Variants in KCNAB1 observed in about 807,000 individuals in gnomAD.
KCNAB1 encodes potassium voltage-gated channel subfamily A regulatory beta subunit 1.
KCNAB1 carries 35 observed loss-of-function variants against 64.6 expected under a neutral mutation model. The observed-to-expected ratio is 0.54, with a 90% CI of 0.41 to 0.72. The LOEUF (loss-of-function observed/expected upper bound fraction) is 0.72. KCNAB1 is among the 30% of genes least tolerant of loss of function. KCNAB1 has a pLI of 0.00. For synonymous variants in KCNAB1, 177 were observed against 183.8 expected (o/e 0.96, Z 0.30); for missense variants, 401 against 512.9 (o/e 0.78, Z 2.11).
intron 1 of KCNAB1, among the ~76,000 whole-genome samples, chr3:156,282,386 G>C (rs1398743467): frequency 7.9e-5 from 11 of 139,036 alleles, no homozygotes; most frequent in Non-Finnish European, 1.1e-4. Flanking sequence ...TTACTTCCAA[G>C]TATGTGGTCA....
intron 1 of KCNAB1, among the ~76,000 whole-genome samples, chr3:156,169,873 AC>A (rs1446944816): frequency 1.3e-5 from 2 of 152,224 alleles, no homozygotes; most frequent in Non-Finnish European, 2.9e-5. Flanking sequence ...TAAATAAATT[AC>A]CCAATTTCAG....
At chr3:156,474,428 T>C (rs1036009815) in intron 7 of KCNAB1, among the ~76,000 whole-genome samples, 3 of 152,208 alleles carry the variant, frequency 2.0e-5, no homozygotes, top group African/African-American at 7.2e-5. Flanking sequence ...CTGCTTTTTA[T>C]TCTAAATTTT....
At chr3:156,179,416 ACC>A (rs1284524252) in intron 1 of KCNAB1, among the ~76,000 whole-genome samples, 2,447 of 75,900 alleles carry the variant, frequency 0.032, 51 homozygotes, top group African/African-American at 0.054. Context: ...CTGGTTTGGA[ACC>A]CCCCCCCCCA....
intron 1 of KCNAB1, among the ~76,000 whole-genome samples, chr3:156,261,266 T>A (rs1300119657): frequency 6.6e-6 from 1 of 151,986 alleles, no homozygotes; most frequent in Non-Finnish European, 1.5e-5. Context: ...TCAATTAACC[T>A]TTTTTTCTTT....
At chr3:156,214,450 G>A (rs1273690309) in intron 1 of KCNAB1, among the ~76,000 whole-genome samples, 8 of 152,032 alleles carry the variant, frequency 5.3e-5, no homozygotes, top group African/African-American at 1.7e-4. Context: ...CCACACGTTC[G>A]GTATTAGAAT....
intron 1 of KCNAB1, chr3:156,291,806 G>T: frequency 6.4e-7 from 1 of 1,568,750 alleles, no homozygotes; most frequent in Non-Finnish European, 8.6e-7. Flanking sequence ...GGGGAGCAAG[G>T]AGGGCTTAAA....
intron 1 of KCNAB1, among the ~76,000 whole-genome samples, chr3:156,139,932 C>T (rs954757210): frequency 6.6e-6 from 1 of 152,086 alleles, no homozygotes; most frequent in Non-Finnish European, 1.5e-5. Context: ...CATATTATGT[C>T]TTTGTTTCCC....
chr3:156,296,762 C>G (rs1330809714), intron 1 of KCNAB1, among the ~76,000 whole-genome samples: 1 of 152,104 alleles, frequency 6.6e-6, no homozygotes, highest in Admixed American at 6.5e-5. Flanking sequence ...CGTGAGCCAC[C>G]GTGCCCGGCC....
chr3:156,168,521 CAG>C (rs1482449078), intron 1 of KCNAB1, among the ~76,000 whole-genome samples: 66 of 152,200 alleles, frequency 4.3e-4, no homozygotes, highest in African/African-American at 1.4e-3. Context: ...ATATTTTTCA[CAG>C]AGTCTTGCAC....
At chr3:156,217,143 C>T (rs1030920633) in intron 1 of KCNAB1, 8 of 152,152 alleles carry the variant, frequency 5.3e-5, no homozygotes, top group South Asian at 2.1e-4. Flanking sequence ...GATTCCTACA[C>T]GTCAAACAGA....
At chr3:156,349,885 A>G (rs1218526769) in intron 1 of KCNAB1, among the ~76,000 whole-genome samples, 3 of 151,642 alleles carry the variant, frequency 2.0e-5, no homozygotes, top group Non-Finnish European at 4.4e-5. Flanking sequence ...TTTAATTTTC[A>G]TTTTCTACTG....
At chr3:156,237,469 A>G (rs1308804640) in intron 1 of KCNAB1, among the ~76,000 whole-genome samples, 1 of 152,142 alleles carries the variant, frequency 6.6e-6, no homozygotes, top group African/African-American at 2.4e-5. Context: ...GTTTTGGGAA[A>G]TGACTGTTGA....
chr3:156,518,614 T>C (rs532368047), intron 11 of KCNAB1, among the ~76,000 whole-genome samples: 2 of 152,374 alleles, frequency 1.3e-5, no homozygotes, highest in East Asian at 3.9e-4. Context: ...GCTATTGTTA[T>C]ACTGATAAGA....
intron 4 of KCNAB1, among the ~76,000 whole-genome samples, chr3:156,457,967 C>T (rs1011356023): frequency 2.6e-5 from 4 of 152,208 alleles, no homozygotes; most frequent in African/African-American, 9.7e-5. Flanking sequence ...CCCTGAGGAA[C>T]TGGGACATCC....
At chr3:156,398,135 CAG>C (rs1713601397) in intron 1 of KCNAB1, among the ~76,000 whole-genome samples, 1 of 152,044 alleles carries the variant, frequency 6.6e-6, no homozygotes, top group African/African-American at 2.4e-5. Flanking sequence ...CACACAGAAA[CAG>C]AGAACCAAAC....
intron 1 of KCNAB1, among the ~76,000 whole-genome samples, chr3:156,358,283 AC>A (rs1330370923): frequency 3.3e-5 from 5 of 152,190 alleles, no homozygotes; most frequent in African/African-American, 1.2e-4. Context: ...GAAACAAACC[AC>A]CATCACCAAC....
Position 156,317,263 on chromosome 3 carries a change from T to C in KCNAB1, c.276-104353T>C, listed in dbSNP as rs1412537490. Among the ~76,000 whole-genome samples, 5 of 152,326 alleles carry C rather than the reference T, an allele frequency of 3.3e-5. No individual in the cohort carries two copies. The East Asian group carries it at 9.6e-4, about 29-fold the overall frequency. ...ATAGGCTTATAAAGGAACTTTTGCA[T>C]GTACATTTTCACATTGCGTCTGGTG... On this transcript the variant is annotated intron_variant, in intron 1 of 13. Coordinates refer to ENST00000490337, the MANE Select transcript of KCNAB1 (RefSeq NM_172160.3).
intron 1 of KCNAB1, among the ~76,000 whole-genome samples, chr3:156,370,460 A>G (rs1726229338): frequency 6.6e-6 from 1 of 152,250 alleles, no homozygotes; most frequent in African/African-American, 2.4e-5. Context: ...CCAAAAGTCC[A>G]GTGCCAGGAT....
intron 1 of KCNAB1, among the ~76,000 whole-genome samples, chr3:156,183,176 G>T (rs547436935): frequency 1.3e-5 from 2 of 152,036 alleles, no homozygotes; most frequent in Non-Finnish European, 1.5e-5. Context: ...GAGCGCCCAC[G>T]ACAAGGGGTG....
Sources: gnomAD v4.1 joint callset for allele counts (sites outside exome capture counted in the v4.1 genomes callset) on GRCh38, gnomAD v4.1.1 for gene constraint, MANE v1.5 for transcripts, NCBI Gene and HGNC (gene_info 2026-07-23, HGNC 2026-07-21) for gene names.